Variants in LYRM4 observed in about 807,000 individuals in gnomAD.
LYRM4 encodes LYR motif-containing protein 4.
A neutral mutation model predicts 11.7 loss-of-function variants in LYRM4; 9 were observed. That is an observed-to-expected ratio of 0.77 (90% confidence interval 0.46 to 1.34). LYRM4 has a LOEUF of 1.34. Among genes scored for constraint, LYRM4 ranks in the 40% most tolerant of loss-of-function variants. The pLI, the probability that LYRM4 is intolerant of heterozygous loss-of-function variation, is 0.00. For missense variants in LYRM4, 133 were observed against 112.5 expected (o/e 1.18, Z -0.82); for synonymous variants, 42 against 40.4 (o/e 1.04, Z -0.15).
intron 2 of LYRM4, among the ~76,000 whole-genome samples, chr6:5,161,925 G>A (rs376396959): frequency 1.1e-4 from 16 of 152,174 alleles, no homozygotes; most frequent in South Asian, 4.1e-4. Flanking sequence ...AGGAAGGGAG[G>A]GAAGTCTATC....
rs140860616 is a variant in LYRM4, at chr6:5,216,600, A to G, written c.207+18T>C. 1,605 of 1,613,586 alleles carry G rather than the reference A, an allele frequency of 9.9e-4. 7 individuals carry two copies. In the African/African-American group the frequency reaches 0.019, roughly 19 times the overall value. ...TAAAGCTCTTAATGAAAAACAGTAC[A>G]TCATTGAACCATCTTACCTGTCGAC... On this transcript the variant is annotated intron_variant, in intron 2 of 2. Coordinates refer to ENST00000330636, the MANE Select transcript of LYRM4 (RefSeq NM_020408.6).
At chr6:5,247,954 G>A (rs1581597441) in intron 1 of LYRM4, among the ~76,000 whole-genome samples, 3 of 152,218 alleles carry the variant, frequency 2.0e-5, no homozygotes, top group South Asian at 4.1e-4. Context: ...ATGAAAAAGA[G>A]AGAAATAAGC....
chr6:5,071,592 ATGTG>A, the LYRM4 span, among the ~76,000 whole-genome samples: 3,294 of 151,042 alleles, frequency 0.022, 44 homozygotes, highest in Non-Finnish European at 0.038. Context: ...GTGTATGTGT[ATGTG>A]TGTGTATGTA....
At chr6:5,110,962 T>G (rs381472) in intron 2 of LYRM4, among the ~76,000 whole-genome samples, 142,757 of 152,200 alleles carry the variant, frequency 0.94, 67,080 homozygotes, top group African/African-American at 0.99. Context: ...GCCGCACTGG[T>G]TTTCTCAGGG....
chr6:5,175,376 C>T (rs1434626552), intron 2 of LYRM4, among the ~76,000 whole-genome samples: 1 of 152,192 alleles, frequency 6.6e-6, no homozygotes, highest in Non-Finnish European at 1.5e-5. Flanking sequence ...TCAGCCACAG[C>T]GCCCTCCACT....
chr6:5,064,686 C>T, the LYRM4 span, among the ~76,000 whole-genome samples: 47,076 of 151,926 alleles, frequency 0.31, 7,492 homozygotes, highest in Middle Eastern at 0.4. Context: ...ACTACAAGGG[C>T]GAACCATTGT....
chr6:5,248,850 A>C (rs530217551), intron 1 of LYRM4, among the ~76,000 whole-genome samples: 16 of 152,366 alleles, frequency 1.1e-4, no homozygotes, highest in Admixed American at 8.5e-4. Context: ...TGTTTTGTTT[A>C]TCTCTGCATC....
the LYRM4 span, chr6:5,066,514 T>G: frequency 1.3e-6 from 1 of 795,850 alleles, no homozygotes; most frequent in South Asian, 1.3e-5. Context: ...CCACCACTTC[T>G]AGGATCTATT....
the LYRM4 span, among the ~76,000 whole-genome samples, chr6:5,063,954 C>A: frequency 6.6e-6 from 1 of 152,204 alleles, no homozygotes; most frequent in Non-Finnish European, 1.5e-5. Context: ...AGGCCAGGGG[C>A]AGTGGCTCCG....
chr6:5,100,430 A>G (rs1005681059), downstream of LYRM4, among the ~76,000 whole-genome samples: 2 of 152,184 alleles, frequency 1.3e-5, no homozygotes, highest in Non-Finnish European at 2.9e-5. Context: ...TGGATGGAAG[A>G]TGACTGCTCT....
intron 2 of LYRM4, among the ~76,000 whole-genome samples, chr6:5,182,743 G>C (rs556128224): frequency 1.3e-5 from 2 of 152,212 alleles, no homozygotes; most frequent in Non-Finnish European, 2.9e-5. Flanking sequence ...AATCAGCCAT[G>C]AGAGAGGACA....
chr6:5,087,903 T>C, the LYRM4 span: 1 of 152,222 alleles, frequency 6.6e-6, no homozygotes, highest in Non-Finnish European at 1.5e-5. Flanking sequence ...CTTCCCATTT[T>C]CCAGCACATG....
At chr6:5,197,402 G>A (rs536797704) in intron 2 of LYRM4, among the ~76,000 whole-genome samples, 15 of 152,324 alleles carry the variant, frequency 9.8e-5, no homozygotes, top group Non-Finnish European at 1.3e-4. Context: ...GGCCGGGCAC[G>A]GTGGCTCATG....
At chr6:5,086,583 C>T in the LYRM4 span, 5 of 1,477,464 alleles carry the variant, frequency 3.4e-6, no homozygotes, top group African/African-American at 2.8e-5. Context: ...TTTCGAAGAG[C>T]CGTGGGGCGG....
At chr6:5,149,271 A>G (rs1284961208) in intron 2 of LYRM4, among the ~76,000 whole-genome samples, 1 of 152,238 alleles carries the variant, frequency 6.6e-6, no homozygotes, top group Non-Finnish European at 1.5e-5. Flanking sequence ...GCCTGCTAAC[A>G]AAGACGCACT....
chr6:5,220,663 C>G (rs1005884335), intron 1 of LYRM4, among the ~76,000 whole-genome samples: 1 of 152,198 alleles, frequency 6.6e-6, no homozygotes, highest in African/African-American at 2.4e-5. Context: ...GAGCCTGCTG[C>G]TGCTTTCAGA....
At chr6:5,120,860 G>T (rs1460804713) in intron 2 of LYRM4, among the ~76,000 whole-genome samples, 1 of 152,190 alleles carries the variant, frequency 6.6e-6, no homozygotes, top group Non-Finnish European at 1.5e-5. Context: ...CAATCCTCTT[G>T]TAAGACAGAA....
At position 5,259,553 on chromosome 6, in the gene LYRM4, C is replaced by T. The variant is rs192754604; in HGVS notation, c.86+1095G>A. Reference sequence around the variant, plus strand: ...GAGAGTCATTGCTTAAGAGGCTTAGCGTTCCTGTCCTCTGACAGAGGTTGT... The same window carrying T: ...GAGAGTCATTGCTTAAGAGGCTTAGTGTTCCTGTCCTCTGACAGAGGTTGT... On this transcript the variant is annotated intron_variant, in intron 1 of 2. Transcript: ENST00000330636. 4.2e-3 allele frequency among the ~76,000 whole-genome samples: 643 copies of T among 152,148 alleles called. 4 individuals are homozygous for T. The highest frequency in any genetic ancestry group is 7.3e-3 in the Non-Finnish European group (500 of 68,028).
the LYRM4 span, chr6:5,066,458 A>AGGC: frequency 1.3e-6 from 1 of 758,584 alleles, no homozygotes; most frequent in Non-Finnish European, 2.5e-6. Context: ...CTATTCCCAA[A>AGGC]TTCTGAAAGA....
Sources: gnomAD v4.1 joint callset for allele counts (sites outside exome capture counted in the v4.1 genomes callset) on GRCh38, gnomAD v4.1.1 for gene constraint, MANE v1.5 for transcripts, NCBI Gene and HGNC (gene_info 2026-07-23, HGNC 2026-07-21) for gene names.